The following SH3TC1 variants were observed in gnomAD, a reference collection of about 807,000 sequenced individuals.
SH3TC1 encodes the protein SH3 domain and tetratricopeptide repeats 1.
A neutral mutation model predicts 117.3 loss-of-function variants in SH3TC1; 135 were observed. That is an observed-to-expected ratio of 1.15 (90% CI 1.00 to 1.33). The LOEUF (loss-of-function observed/expected upper bound fraction) is 1.33, where lower values mean the gene tolerates loss of function less well. Ranked by LOEUF, SH3TC1 falls within the 40% of genes most tolerant of loss-of-function variation. SH3TC1 has a pLI of 0.00. For missense variants in SH3TC1, 2,092 were observed against 1,794.3 expected (o/e 1.17, Z -3.00); for synonymous variants, 898 against 816.9 (o/e 1.10, Z -1.69).
At chr4:8,216,868 T>C in intron 6 of SH3TC1, 89 bp from the exon 7 acceptor site, 1 of 1,373,940 alleles carries the variant, frequency 7.3e-7, no homozygotes. Flanking sequence ...GGTGTTGCCT[T>C]CGTTGTCTGT....
chr4:8,188,906 C>T (rs1717320879), intron 1 of SH3TC1, among the ~76,000 whole-genome samples: 2 of 152,226 alleles, frequency 1.3e-5, no homozygotes, highest in Non-Finnish European at 2.9e-5. Context: ...GGAGGTGCAG[C>T]CAGTGCTGTA....
rs1720399667 is a variant in SH3TC1 at position 8,225,749 on chromosome 4, G to C, written c.1285+533G>C. Among the ~76,000 whole-genome samples, 1 of 152,208 alleles carries C rather than the reference G, an allele frequency of 6.6e-6. No homozygotes were observed. The highest frequency in any genetic ancestry group is 2.4e-5 in the African/African-American group (1 of 41,442). On this transcript the variant is annotated intron_variant, in intron 11 of 17. Coordinates refer to ENST00000245105, the MANE Select transcript of SH3TC1 (RefSeq NM_018986.5). The surrounding 1 kb of genome is among the most constrained non-coding windows in gnomAD (Gnocchi z 5.5). ...GTCCGCATGGGGAGAGCCTGGGGAT[G>C]TGGACACCCCAAGAGCCCTCGGAAG...
In SH3TC1 at chr4:8,206,893, G is replaced by C. The variant is rs1718256499; in HGVS notation, c.172+1527G>C. The stretch of plus-strand genomic sequence containing the variant: ...TGATTTTCTTCTGATCCTTTTGGGA[G>C]TAAATTGCAGACATGATGCCCCTTC... On this transcript the variant is annotated intron_variant, in intron 2 of 17. Transcript: ENST00000245105. This position sits in a 1 kb window ranked among gnomAD's most constrained non-coding sequence, Gnocchi z 5.5. Among the ~76,000 whole-genome samples, 1 of 151,478 alleles carries C rather than the reference G, an allele frequency of 6.6e-6. No individual in the cohort carries two copies. The highest frequency in any genetic ancestry group is 2.4e-5 in the African/African-American group (1 of 41,046).
In SH3TC1 at chr4:8,205,504, T is replaced by A. The variant is rs764204316; in HGVS notation, c.172+138T>A. 8.6e-7 allele frequency: 1 copy of A among 1,167,434 alleles called. No individual in the cohort carries two copies. Among genetic ancestry groups the A allele is most frequent in the Non-Finnish European group, 1.3e-6 (1 of 787,120 alleles). The allele number at this position is 1,167,434 out of a possible 1,614,324, so 72.3% of individuals were successfully genotyped here. A position where few individuals can be genotyped will look rare whatever the true frequency, so the allele number is the denominator to read the frequency against. On this transcript the variant is annotated intron_variant, in intron 2 of 17. Coordinates refer to ENST00000245105, the MANE Select transcript of SH3TC1 (RefSeq NM_018986.5). This position sits in a 1 kb window ranked among gnomAD's most constrained non-coding sequence, Gnocchi z 5.4. Reference sequence around the variant, plus strand: ...GGGGCTGGAGTCTGCTCTCCATCACTTCTCGTTTCCTTCCCCCGCGTGTGT... The same window carrying A: ...GGGGCTGGAGTCTGCTCTCCATCACATCTCGTTTCCTTCCCCCGCGTGTGT...
At chr4:8,218,246 A>G (rs751409634) in intron 7 of SH3TC1, 25 bp from the exon 8 acceptor site, 1 of 1,596,826 alleles carries the variant, frequency 6.3e-7, no homozygotes, top group South Asian at 1.1e-5. Context: ...ATCCCGCAGC[A>G]AAGACCTCCC....
chr4:8,228,547 G>C lies in SH3TC1; in HGVS notation c.2853G>C (p.Gln951His). The C allele has an allele frequency of 6.2e-7, 1 of 1,609,720 alleles. No individual in the cohort carries two copies. Among genetic ancestry groups the C allele is most frequent in the Admixed American group, 1.7e-5 (1 of 59,776 alleles). The stretch of plus-strand genomic sequence containing the variant: ...GGGACTTCACCCACGTGCTCCTGCA[G>C]CTGGGCCATCTCTGCACCCGCCAGG... ...CGRDFTHVLLQLGHLCTRQGP... is the reference protein window; with the variant it reads ...CGRDFTHVLLHLGHLCTRQGP... The change falls in exon 12 of 18, where the codon CAG becomes CAC. Residue 951 changes from glutamine to histidine, a missense_variant. Gln to His is a conservative substitution (Grantham distance 24). Coordinates refer to ENST00000245105, the MANE Select transcript of SH3TC1 (RefSeq NM_018986.5).
At chr4:8,237,279 G>T (rs1387546429) in intron 16 of SH3TC1, 195 bp from the exon 17 acceptor site, 3 of 490,620 alleles carry the variant, frequency 6.1e-6, no homozygotes. Context: ...CTTTGCCAAA[G>T]CCTCACGGTA....
At chr4:8,235,349 G>A (rs1024123033) in intron 14 of SH3TC1, 84 bp from the exon 15 acceptor site, 15 of 1,392,392 alleles carry the variant, frequency 1.1e-5, no homozygotes, top group Middle Eastern at 2.3e-4. Flanking sequence ...TGAGAGGAAG[G>A]AGGCTGGGCG....
At chr4:8,221,511 T>C (rs991437671) in intron 9 of SH3TC1, among the ~76,000 whole-genome samples, 16 of 151,898 alleles carry the variant, frequency 1.1e-4, no homozygotes, top group African/African-American at 3.6e-4. Context: ...GCAAAAAGAG[T>C]ATAACATTCC....
rs1420840933 is a variant in SH3TC1 at position 8,206,937 on chromosome 4, A to G, written c.172+1571A>G. ...CCCCTTCATCCTAAAAGGTGTCCAT[A>G]TTTCCTAAAACCAGTACATTCTCTT... On this transcript the variant is annotated intron_variant, in intron 2 of 17. Transcript: ENST00000245105. The surrounding 1 kb of genome is among the most constrained non-coding windows in gnomAD (Gnocchi z 5.5). 1.3e-5 allele frequency among the ~76,000 whole-genome samples: 2 copies of G among 151,822 alleles called. No individual in the cohort carries two copies. Among genetic ancestry groups the G allele is most frequent in the Non-Finnish European group, 2.9e-5 (2 of 67,982 alleles).
Position 8,227,986 on chromosome 4 carries a change from A to G in SH3TC1, c.2292A>G (p.Gln764=), listed in dbSNP as rs1281148. 1,138,972 of 1,612,090 alleles carry G rather than the reference A, an allele frequency of 0.71. 413,624 individuals are homozygous for G. The highest frequency in any genetic ancestry group is 0.75 in the Non-Finnish European group (886,000 of 1,179,748). The part of the protein sequence containing the change: ...NAPQPHSLPA[Q]TSHYLRQALA... ...CCCAGCCCCACAGCCTCCCTGCCCA[A>G]ACTTCCCACTACCTCAGGCAAGCGC... The change falls in exon 12 of 18, where the codon CAA becomes CAG. Residue 764 remains glutamine (Q), a synonymous_variant. Coordinates refer to ENST00000245105, the MANE Select transcript of SH3TC1 (RefSeq NM_018986.5).
chr4:8,233,468 CT>C lies in SH3TC1; in HGVS notation c.3238del (p.Tyr1080IlefsTer64), dbSNP rs1204401975. 6.2e-7 allele frequency: 1 copy of C among 1,613,676 alleles called. No homozygotes were observed. The highest frequency in any genetic ancestry group is 8.5e-7 in the Non-Finnish European group (1 of 1,179,884). On this transcript the variant is annotated frameshift_variant, in exon 14 of 18. Transcript: ENST00000245105. LOFTEE classifies it high-confidence loss of function. ...ATGCCTGGCTGCAAGCAGGGAAGAT[CT>C]ATTACATCTTGCGGCAGAGCGAGCT... ...AHAWLQAGKIYYILRQSELVD... is the reference protein window; with the variant it reads ...AHAWLQAGKIXYILRQSELVD...
In SH3TC1 at chr4:8,234,396, G is replaced by C. The variant is rs547753137; in HGVS notation, c.3282+883G>C. On this transcript the variant is annotated intron_variant, in intron 14 of 17. Transcript: ENST00000245105. ...TATCCACCCATCTATCCATCCATAT[G>C]TACATACATACATCATCCACCCTCC... Among the ~76,000 whole-genome samples the C allele has an allele frequency of 2.7e-5, 4 of 149,894 alleles. No individual in the cohort carries two copies. The South Asian group carries it at 8.5e-4, about 32-fold the overall frequency.
In SH3TC1 at chr4:8,192,937, ATGTTTCAAGCC is replaced by A. The variant is rs1717459397; in HGVS notation, c.-57+10735_-57+10745del. Among the ~76,000 whole-genome samples the A allele has an allele frequency of 2.0e-5, 3 of 152,236 alleles. No individual in the cohort carries two copies. Among genetic ancestry groups the A allele is most frequent in the Admixed American group, 1.3e-4 (2 of 15,282 alleles). On this transcript the variant is annotated intron_variant, in intron 1 of 16. Coordinates refer to the SH3TC1 transcript ENST00000508641. The surrounding 1 kb of genome is among the most constrained non-coding windows in gnomAD (Gnocchi z 4.1). ...GAAGCGGGGCCTGACGTGATGTACCATGTTTCAAGCCTGTTTCACAGCACAAGACAGCCTCA... is the reference window on the plus strand; with the variant it reads ...GAAGCGGGGCCTGACGTGATGTACCATGTTTCACAGCACAAGACAGCCTCA...
rs944998196 is a variant in SH3TC1, at chr4:8,182,535, C to A, written c.-57+325C>A. On this transcript the variant is annotated intron_variant, in intron 1 of 16. Transcript: ENST00000508641. ...TCTCCCCAGGATCCCGACGACTGGGCGGGCAGGGTGCCTGGTGGAAAGGTG... is the reference window on the plus strand; with the variant it reads ...TCTCCCCAGGATCCCGACGACTGGGAGGGCAGGGTGCCTGGTGGAAAGGTG... Among the ~76,000 whole-genome samples the A allele has an allele frequency of 2.6e-5, 4 of 152,238 alleles. No individual in the cohort carries two copies. The East Asian group carries it at 5.8e-4, about 22-fold the overall frequency.
Position 8,216,153 on chromosome 4 carries a change from C to G in SH3TC1, c.524C>G (p.Ala175Gly), listed in dbSNP as rs368466334. The G allele has an allele frequency of 9.9e-6, 16 of 1,613,658 alleles. No individual in the cohort carries two copies. The African/African-American group carries it at 1.2e-4, about 12-fold the overall frequency. ...HCLANLLMDQ[A>G]FWLLLPSEEE... ...CTGGCAAACCTGCTCATGGACCAGGCCTTCTGGCTGCTCTTGCCCAGTGAG... is the reference window on the plus strand; with the variant it reads ...CTGGCAAACCTGCTCATGGACCAGGGCTTCTGGCTGCTCTTGCCCAGTGAG... The change falls in exon 6 of 18, where the codon GCC (alanine) becomes GGC (glycine). Residue 175 changes from alanine to glycine, a missense_variant. By Grantham distance (60) the Ala-to-Gly change is moderately conservative (BLOSUM62 0). Transcript: ENST00000245105.
chr4:8,205,434 C>T lies in SH3TC1; in HGVS notation c.172+68C>T. The T allele has an allele frequency of 6.5e-7, 1 of 1,545,958 alleles. No individual in the cohort carries two copies. Among genetic ancestry groups the T allele is most frequent in the Non-Finnish European group, 8.8e-7 (1 of 1,139,404 alleles). On this transcript the variant is annotated intron_variant, in intron 2 of 17. Coordinates refer to ENST00000245105, the MANE Select transcript of SH3TC1 (RefSeq NM_018986.5). This position sits in a 1 kb window ranked among gnomAD's most constrained non-coding sequence, Gnocchi z 5.4. The stretch of plus-strand genomic sequence containing the variant: ...ACTTCTCCACCCCACCCGCCCCGTC[C>T]ATCCATCCCTCACCACCCTGCCTGC...
Position 8,210,578 on chromosome 4 carries a change from C to A in SH3TC1, c.247+756C>A, listed in dbSNP as rs1031415655. Among the ~76,000 whole-genome samples, 2 of 152,012 alleles carry A rather than the reference C, an allele frequency of 1.3e-5. No individual in the cohort carries two copies. The highest frequency in any genetic ancestry group is 4.8e-5 in the African/African-American group (2 of 41,390). On this transcript the variant is annotated intron_variant, in intron 3 of 17. Transcript: ENST00000245105. The surrounding 1 kb of genome is among the most constrained non-coding windows in gnomAD (Gnocchi z 4.1). The stretch of plus-strand genomic sequence containing the variant: ...CTTGAGGTCAGGAGTTCAAGATCAG[C>A]CTGGCCCATATGGTGAAACCCCATC...
rs983988690 is a variant in SH3TC1 at position 8,227,832 on chromosome 4, T to C, written c.2138T>C (p.Leu713Pro). The change falls in exon 12 of 18, where the codon CTG becomes CCG. Residue 713 changes from leucine (L) to proline (P), a missense_variant. By Grantham distance (98) the Leu-to-Pro change is moderately conservative. Coordinates refer to ENST00000245105, the MANE Select transcript of SH3TC1 (RefSeq NM_018986.5). ...TGGCTCTCAGACTGCTACCTACTCC[T>C]GGCTGACATCTACAGCCGCAAGTGC... ...AAWLSDCYLL[L>P]ADIYSRKCLP... 1.2e-6 allele frequency: 2 copies of C among 1,612,776 alleles called. No homozygotes were observed. Among genetic ancestry groups the C allele is most frequent in the Non-Finnish European group, 1.7e-6 (2 of 1,179,978 alleles).
Sources: gnomAD v4.1 joint callset for allele counts (sites outside exome capture counted in the v4.1 genomes callset) on GRCh38, gnomAD v4.1.1 for gene constraint, Gnocchi (gnomAD v3.1) non-coding constraint, MANE v1.5 for transcripts, NCBI Gene and HGNC (gene_info 2026-07-23, HGNC 2026-07-21) for gene names.